The following NELL1 variants were observed in gnomAD, a reference collection of about 807,000 sequenced individuals.
NELL1 encodes neural EGFL like 1, also known as protein kinase C-binding protein NELL1.
In NELL1, 76 loss-of-function variants were observed where a neutral mutation model predicts 107.4. That is an observed-to-expected ratio of 0.71 (90% CI 0.59 to 0.86). NELL1 has a LOEUF of 0.86. NELL1 is among the 40% of genes least tolerant of loss of function. The probability of loss-of-function intolerance (pLI) is 0.00; values close to 1 mark genes in which losing one functional copy is unlikely to be tolerated. For missense variants in NELL1, 1,024 were observed against 1,005.5 expected (o/e 1.02, Z -0.25); for synonymous variants, 353 against 341.2 (o/e 1.03, Z -0.38).
At chr11:21,043,526 A>G (rs1460098913) in intron 12 of NELL1, among the ~76,000 whole-genome samples, 1 of 152,156 alleles carries the variant, frequency 6.6e-6, no homozygotes, top group Non-Finnish European at 1.5e-5. Context: ...GGGCTATGTT[A>G]AGGAATATTC....
At chr11:20,976,214 A>ATG (rs1336548386) in intron 12 of NELL1, among the ~76,000 whole-genome samples, 1 of 150,416 alleles carries the variant, frequency 6.6e-6, no homozygotes, top group African/African-American at 2.4e-5. Flanking sequence ...ATGTACAGAT[A>ATG]TGTGTGTGTA....
At chr11:21,279,544 A>G (rs1387545591) in intron 14 of NELL1, among the ~76,000 whole-genome samples, 3 of 152,196 alleles carry the variant, frequency 2.0e-5, no homozygotes, top group Non-Finnish European at 4.4e-5. Context: ...AACTAAAACA[A>G]CAGTGACATA....
chr11:21,366,173 G>T (rs762405420), intron 14 of NELL1, among the ~76,000 whole-genome samples: 9 of 152,132 alleles, frequency 5.9e-5, no homozygotes, highest in Non-Finnish European at 1.2e-4. Flanking sequence ...CTGGGTTGGA[G>T]AAATGAGTTT....
At chr11:20,888,376 T>C (rs1285342777) in intron 5 of NELL1, among the ~76,000 whole-genome samples, 1 of 151,570 alleles carries the variant, frequency 6.6e-6, no homozygotes, top group Non-Finnish European at 1.5e-5. Context: ...CTCTATGTTT[T>C]CTAAGTGGCT....
intron 2 of NELL1, among the ~76,000 whole-genome samples, chr11:20,710,854 A>G (rs886415845): frequency 4.6e-5 from 7 of 151,930 alleles, no homozygotes; most frequent in African/African-American, 1.2e-4. Context: ...TTGAATTTCT[A>G]TGGTGTCAGT....
chr11:20,669,716 C>T lies in NELL1; in HGVS notation c.-8C>T, dbSNP rs752012173. 1 of 1,613,222 alleles carries T rather than the reference C, an allele frequency of 6.2e-7. No individual in the cohort carries two copies. The highest frequency in any genetic ancestry group is 8.5e-7 in the Non-Finnish European group (1 of 1,179,360). On this transcript the variant is annotated 5_prime_UTR_variant, in exon 1 of 20. Transcript: ENST00000357134. The surrounding 1 kb of genome is among the most constrained non-coding windows in gnomAD (Gnocchi z 4.4). ...GTGCCCCCTGCTAGGCGGGGACCCTCGAGAGCGATGCCGATGGATTTGATT... is the reference window on the plus strand; with the variant it reads ...GTGCCCCCTGCTAGGCGGGGACCCTTGAGAGCGATGCCGATGGATTTGATT...
chr11:21,123,460 A>T (rs900338450), intron 13 of NELL1, among the ~76,000 whole-genome samples: 15 of 152,122 alleles, frequency 9.9e-5, no homozygotes, highest in African/African-American at 3.4e-4. Context: ...AAGAAATGCA[A>T]ATTAAAATGA....
At chr11:21,214,130 G>T (rs559326194) in intron 13 of NELL1, among the ~76,000 whole-genome samples, 4 of 152,180 alleles carry the variant, frequency 2.6e-5, no homozygotes, top group African/African-American at 9.6e-5. Context: ...GACCAGAAGA[G>T]TTTCAGATTT....
chr11:21,394,410 A>G (rs1348778013), intron 15 of NELL1, among the ~76,000 whole-genome samples: 1 of 151,462 alleles, frequency 6.6e-6, no homozygotes, highest in Non-Finnish European at 1.5e-5. Flanking sequence ...GTATACATAT[A>G]TATGTATGTA....
intron 17 of NELL1, among the ~76,000 whole-genome samples, chr11:21,564,038 G>A (rs765512817): frequency 2.6e-5 from 4 of 151,960 alleles, no homozygotes; most frequent in African/African-American, 9.7e-5. Context: ...AGGAGATTAT[G>A]ATGAGCCAGG....
intron 12 of NELL1, among the ~76,000 whole-genome samples, chr11:21,018,673 G>C (rs982796382): frequency 6.6e-6 from 1 of 152,066 alleles, no homozygotes; most frequent in African/African-American, 2.4e-5. Flanking sequence ...CCATGTCAAC[G>C]TGAGGCCAGT....
At chr11:20,797,408 C>CA (rs1010564203) in intron 3 of NELL1, among the ~76,000 whole-genome samples, 2 of 151,046 alleles carry the variant, frequency 1.3e-5, no homozygotes, top group East Asian at 2.0e-4. Flanking sequence ...ACTAAAAATA[C>CA]AAAAAAAATT....
At chr11:21,008,402 T>G (rs1852375391) in intron 12 of NELL1, among the ~76,000 whole-genome samples, 2 of 152,148 alleles carry the variant, frequency 1.3e-5, no homozygotes, top group African/African-American at 4.8e-5. Flanking sequence ...GTCTGCATGA[T>G]TCTAAGTAAA....
intron 15 of NELL1, among the ~76,000 whole-genome samples, chr11:21,384,806 A>G (rs1376920288): frequency 6.6e-6 from 1 of 152,028 alleles, no homozygotes; most frequent in Non-Finnish European, 1.5e-5. Flanking sequence ...ATAGTATTCC[A>G]TGGTGTATAT....
At position 21,495,296 on chromosome 11, in the gene NELL1, G is replaced by A. The variant is rs12575995; in HGVS notation, c.1646-39078G>A. ...TGTCTGACATCTTTCACTGAGCGTA[G>A]TGTTTTTCAGGTTCACTCATGTTAT... On this transcript the variant is annotated intron_variant, in intron 15 of 19. Transcript: ENST00000357134. Among the ~76,000 whole-genome samples, 2,046 of 152,122 alleles carry A rather than the reference G, an allele frequency of 0.013. 149 individuals carry two copies. The East Asian group carries it at 0.23, about 17-fold the overall frequency.
intron 12 of NELL1, among the ~76,000 whole-genome samples, chr11:21,001,958 T>C (rs938265227): frequency 4.6e-5 from 7 of 152,172 alleles, no homozygotes; most frequent in African/African-American, 1.7e-4. Flanking sequence ...TAGAGTCCCA[T>C]GTTGGGCAAA....
At chr11:21,432,601 G>T (rs1852994071) in intron 15 of NELL1, among the ~76,000 whole-genome samples, 3 of 152,156 alleles carry the variant, frequency 2.0e-5, no homozygotes, top group Non-Finnish European at 4.4e-5. Context: ...AAGTTTTGGG[G>T]TATGGATTGT....
Position 21,201,386 on chromosome 11 carries a change from C to G in NELL1, c.1427-27946C>G, listed in dbSNP as rs188738379. ...TATTCCTAGGTATTTTATTCTCTTT[C>G]TAGCAATTGTGAATGGTAGTTCACT... On this transcript the variant is annotated intron_variant, in intron 13 of 19. Coordinates refer to ENST00000357134, the MANE Select transcript of NELL1 (RefSeq NM_006157.5). Among the ~76,000 whole-genome samples the G allele has an allele frequency of 6.6e-3, 1,009 of 152,132 alleles. 12 individuals are homozygous for G. Among genetic ancestry groups the G allele is most frequent in the African/African-American group, 0.022 (920 of 41,490 alleles).
intron 12 of NELL1, among the ~76,000 whole-genome samples, chr11:21,091,536 TCTA>T (rs1854520842): frequency 1.3e-5 from 2 of 152,156 alleles, no homozygotes; most frequent in Admixed American, 6.6e-5. Context: ...CATTCTAGGG[TCTA>T]CTGTTATCTC....
Sources: gnomAD v4.1 joint callset for allele counts (sites outside exome capture counted in the v4.1 genomes callset) on GRCh38, gnomAD v4.1.1 for gene constraint, Gnocchi (gnomAD v3.1) non-coding constraint, MANE v1.5 for transcripts, NCBI Gene and HGNC (gene_info 2026-07-23, HGNC 2026-07-21) for gene names.